The following MXI1 variants were observed in gnomAD, a reference collection of about 807,000 sequenced individuals.
The protein encoded by MXI1 is MAX interactor 1, dimerization protein.
MXI1 carries 18 observed loss-of-function variants against 36.9 expected under a neutral mutation model. The observed-to-expected ratio is 0.49, with a 90% confidence interval of 0.34 to 0.72. The LOEUF (loss-of-function observed/expected upper bound fraction) is 0.72. MXI1 is among the 30% of genes least tolerant of loss of function. The pLI, the probability that MXI1 is intolerant of heterozygous loss-of-function variation, is 0.01. For missense variants in MXI1, 304 were observed against 379.1 expected, an observed-to-expected ratio of 0.80 and a Z score of 1.64; for synonymous variants, 160 against 146.7, an observed-to-expected ratio of 1.09 and a Z score of -0.65.
At chr10:110,275,352 T>C (rs1166922184) in intron 3 of MXI1, among the ~76,000 whole-genome samples, 1 of 152,180 alleles carries the variant, frequency 6.6e-6, no homozygotes, top group East Asian at 1.9e-4. Flanking sequence ...TCAAAAGATA[T>C]GCCTTTCTAG....
intron 5 of MXI1, among the ~76,000 whole-genome samples, chr10:110,283,637 TTAAG>T (rs1313183940): frequency 1.3e-5 from 2 of 152,112 alleles, no homozygotes; most frequent in Non-Finnish European, 2.9e-5. Context: ...GGCTTTGAAT[TTAAG>T]TAAGGTAACT....
intron 1 of MXI1, among the ~76,000 whole-genome samples, chr10:110,215,333 C>G (rs140279656): frequency 6.6e-6 from 1 of 152,280 alleles, no homozygotes; most frequent in East Asian, 1.9e-4. Flanking sequence ...AGCCACCACA[C>G]TGGGTCCAGG....
At chr10:110,219,796 C>T (rs1854750761) in intron 1 of MXI1, among the ~76,000 whole-genome samples, 1 of 152,212 alleles carries the variant, frequency 6.6e-6, no homozygotes, top group Admixed American at 6.5e-5. Flanking sequence ...AGCTTAGTGC[C>T]TGGCACATAA....
intron 3 of MXI1, among the ~76,000 whole-genome samples, chr10:110,260,175 A>G (rs1856459622): frequency 6.6e-6 from 1 of 152,078 alleles, no homozygotes; most frequent in Non-Finnish European, 1.5e-5. Flanking sequence ...ACCAGAAGTC[A>G]GAAGACATAA....
intron 3 of MXI1, among the ~76,000 whole-genome samples, chr10:110,271,174 A>G (rs1051305795): frequency 1.5e-4 from 23 of 151,820 alleles, no homozygotes; most frequent in African/African-American, 5.6e-4. Context: ...CTTTGGTGGT[A>G]TGCACCTTAT....
intron 1 of MXI1, among the ~76,000 whole-genome samples, chr10:110,218,790 G>T (rs1019077614): frequency 6.6e-6 from 1 of 152,166 alleles, no homozygotes; most frequent in Non-Finnish European, 1.5e-5. Flanking sequence ...TCCTGGAGGC[G>T]CCCGAGCTTG....
intron 3 of MXI1, among the ~76,000 whole-genome samples, chr10:110,266,528 C>T (rs1856682976): frequency 6.6e-6 from 1 of 152,086 alleles, no homozygotes; most frequent in African/African-American, 2.4e-5. Flanking sequence ...CAACCAAAAG[C>T]CTCAACTGGG....
At chr10:110,235,056 A>G (rs1353237218) in intron 2 of MXI1, among the ~76,000 whole-genome samples, 3 of 152,134 alleles carry the variant, frequency 2.0e-5, no homozygotes, top group Non-Finnish European at 2.9e-5. Context: ...CTCTCCATCC[A>G]ATTTCTGCTT....
At chr10:110,272,174 C>T (rs1856875953) in intron 3 of MXI1, among the ~76,000 whole-genome samples, 2 of 152,162 alleles carry the variant, frequency 1.3e-5, no homozygotes, top group African/African-American at 4.8e-5. Context: ...AAATCTGAAA[C>T]ATTTTGAGTG....
At chr10:110,266,298 C>T (rs552175805) in intron 3 of MXI1, among the ~76,000 whole-genome samples, 1 of 152,068 alleles carries the variant, frequency 6.6e-6, no homozygotes, top group East Asian at 1.9e-4. Context: ...TTAGTAGAGA[C>T]GGGGTTTCAC....
At chr10:110,246,102 G>A (rs1383058806) in intron 3 of MXI1, among the ~76,000 whole-genome samples, 1 of 152,010 alleles carries the variant, frequency 6.6e-6, no homozygotes, top group Non-Finnish European at 1.5e-5. Context: ...TGGGAGGATC[G>A]CTTGAAGCAA....
chr10:110,244,758 A>G, intron 2 of MXI1, 70 bp from the exon 3 acceptor site: 1 of 1,334,870 alleles, frequency 7.5e-7, no homozygotes, highest in South Asian at 1.3e-5. Flanking sequence ...GCATAGCAGT[A>G]ACTAATCTGT....
chr10:110,260,625 A>C (rs1856479270), intron 3 of MXI1, among the ~76,000 whole-genome samples: 1 of 152,068 alleles, frequency 6.6e-6, no homozygotes, highest in South Asian at 2.1e-4. Context: ...AGCTATAATA[A>C]GGTTTTAATT....
At chr10:110,263,732 T>A (rs866075312) in intron 3 of MXI1, among the ~76,000 whole-genome samples, 2 of 152,366 alleles carry the variant, frequency 1.3e-5, no homozygotes, top group Middle Eastern at 3.4e-3. Context: ...CTCTTTTCTA[T>A]GATTTTCATC....
intron 2 of MXI1, among the ~76,000 whole-genome samples, chr10:110,244,291 T>C (rs1855780040): frequency 6.6e-6 from 1 of 152,036 alleles, no homozygotes; most frequent in Non-Finnish European, 1.5e-5. Context: ...TTTTCTTTCA[T>C]GTATAACTTT....
intron 3 of MXI1, among the ~76,000 whole-genome samples, chr10:110,251,384 A>G (rs1287978923): frequency 6.6e-6 from 1 of 152,168 alleles, no homozygotes; most frequent in Non-Finnish European, 1.5e-5. Flanking sequence ...CAAATGAAGT[A>G]TAAGATACCC....
intron 2 of MXI1, among the ~76,000 whole-genome samples, chr10:110,233,956 A>G (rs1356283747): frequency 6.6e-6 from 1 of 152,316 alleles, no homozygotes; most frequent in African/African-American, 2.4e-5. Context: ...TATTGAATAT[A>G]TGATGTAGAA....
At chr10:110,278,803 G>T (rs1459183346) in intron 3 of MXI1, among the ~76,000 whole-genome samples, 2 of 151,976 alleles carry the variant, frequency 1.3e-5, no homozygotes, top group Non-Finnish European at 2.9e-5. Context: ...TTCCCTTGGG[G>T]TACCATAGCT....
chr10:110,264,022 T>C (rs1455966318), intron 3 of MXI1, among the ~76,000 whole-genome samples: 2 of 152,186 alleles, frequency 1.3e-5, no homozygotes, highest in Non-Finnish European at 2.9e-5. Context: ...GAGATTGTTA[T>C]TGAAGTGGCC....
Sources: gnomAD v4.1 joint callset for allele counts (sites outside exome capture counted in the v4.1 genomes callset) on GRCh38, gnomAD v4.1.1 for gene constraint, MANE v1.5 for transcripts, NCBI Gene and HGNC (gene_info 2026-07-23, HGNC 2026-07-21) for gene names.